SPATA31C1: variants seen among roughly 807,000 people sequenced by gnomAD.
SPATA31C1 encodes the protein SPATA31 subfamily C member 1.
At chr9:87,920,379 G>A in exon 5 of SPATA31C1, 1 of 1,613,976 alleles carries the variant, frequency 6.2e-7, no homozygotes, top group Non-Finnish European at 8.5e-7. Context: ...GGAAGATGCT[G>A]CTCCCATTGT....
intron 1 of SPATA31C1, among the ~76,000 whole-genome samples, chr9:87,915,552 C>T (rs1449778908): frequency 6.9e-6 from 1 of 145,370 alleles, no homozygotes; most frequent in East Asian, 2.1e-4. Context: ...CCACCTGCCT[C>T]GGCCTCCCAA....
intron 1 of SPATA31C1, among the ~76,000 whole-genome samples, chr9:87,917,089 T>C (rs1274688710): frequency 7.3e-6 from 1 of 137,218 alleles, no homozygotes; most frequent in Non-Finnish European, 1.6e-5. Flanking sequence ...AAAATCTTAA[T>C]TGTATGTGGG....
exon 5 of SPATA31C1, chr9:87,921,344 G>C: frequency 6.2e-7 from 1 of 1,611,956 alleles, no homozygotes; most frequent in Non-Finnish European, 8.5e-7. Flanking sequence ...TGCAGCTTCA[G>C]GATGAATTGC....
At position 87,916,890 on chromosome 9, in the gene SPATA31C1, G is replaced by C. The variant is rs1382113729; in HGVS notation, n.190-957G>C. On this transcript the variant is annotated intron_variant and non_coding_transcript_variant, in intron 1 of 4. Coordinates refer to ENST00000420021, the Ensembl canonical transcript of SPATA31C1. ...CACATGCCTGTAGTCCCAGCTACTC[G>C]GGAGGCTGAGGCAGGAGAATGGCAT... Among the ~76,000 whole-genome samples, 4 of 66,504 alleles carry C rather than the reference G, an allele frequency of 6.0e-5. 1 individual carries two copies. The highest frequency in any genetic ancestry group is 1.7e-3 in the South Asian group (2 of 1,156). The allele number at this position is 66,504 out of a possible 152,430, so 43.6% of individuals were successfully genotyped here. A position where few individuals can be genotyped will look rare whatever the true frequency, so the allele number is the denominator to read the frequency against.
At chr9:87,922,932 C>G (rs757661603) in exon 5 of SPATA31C1, 12 of 1,601,406 alleles carry the variant, frequency 7.5e-6, no homozygotes, top group African/African-American at 1.4e-5. Context: ...AAAGAAACAG[C>G]CTCCTTCAAT....
chr9:87,922,625 C>T (rs773747094), exon 5 of SPATA31C1: 1 of 1,608,880 alleles, frequency 6.2e-7, no homozygotes, highest in East Asian at 2.2e-5. Context: ...CTCAAGTGCC[C>T]CAGGGCCATC....
chr9:87,920,101 T>G, intron 4 of SPATA31C1, 125 bp downstream of exon 3: 1 of 1,606,198 alleles, frequency 6.2e-7, no homozygotes, highest in South Asian at 1.1e-5. Flanking sequence ...AGTAAAGCCC[T>G]GGGGCGAGGG....
rs558006372 is a variant in SPATA31C1, at chr9:87,921,314, C to T, written n.1704C>T. On this transcript the variant is annotated non_coding_transcript_exon_variant, in exon 5 of 5. Coordinates refer to ENST00000420021, the Ensembl canonical transcript of SPATA31C1. ...AATACATGGGGCAACGTGGAAGGAT[C>T]CAAGAGTCTCTGGATCTGATGCAGC... The T allele has an allele frequency of 2.1e-5, 34 of 1,611,986 alleles. No homozygotes were observed. In the South Asian group the frequency reaches 3.7e-4, roughly 18 times the overall value.
chr9:87,922,690 T>C lies in SPATA31C1; in HGVS notation n.3080T>C, dbSNP rs780737483. Reference sequence around the variant, plus strand: ...GCTTCCCAGGAGCTATGTGACCTCATGTCAGCCAGAAGGAGTAACATGGGG... The same window carrying C: ...GCTTCCCAGGAGCTATGTGACCTCACGTCAGCCAGAAGGAGTAACATGGGG... On this transcript the variant is annotated non_coding_transcript_exon_variant, in exon 5 of 5. Transcript: ENST00000420021. 3.1e-6 allele frequency: 5 copies of C among 1,607,460 alleles called. No homozygotes were observed. In the African/African-American group the frequency reaches 5.4e-5, roughly 17 times the overall value.
exon 5 of SPATA31C1, chr9:87,922,836 T>C: frequency 6.2e-7 from 1 of 1,606,158 alleles, no homozygotes; most frequent in Admixed American, 1.7e-5. Flanking sequence ...TGAAGAAATG[T>C]TTCAAGGATT....
exon 5 of SPATA31C1, chr9:87,920,664 G>C (rs1395844734): frequency 6.2e-7 from 1 of 1,613,762 alleles, no homozygotes; most frequent in African/African-American, 1.3e-5. Flanking sequence ...ATCTCACTGT[G>C]ACTCAGTGGC....
chr9:87,919,464 A>G, intron 3 of SPATA31C1, 116 bp downstream of exon 2: 1 of 1,455,858 alleles, frequency 6.9e-7, no homozygotes, highest in East Asian at 2.6e-5. Context: ...GAAGGAAATC[A>G]GAACCCTGGG....
In SPATA31C1 at chr9:87,920,309, G is replaced by A. The variant is rs377054909; in HGVS notation, n.699G>A. On this transcript the variant is annotated non_coding_transcript_exon_variant, in exon 5 of 5. Transcript: ENST00000420021. ...TTGGTCAGCTCTCTGGTCCAGACCC[G>A]CCAGGTGAGGTGGGCAAAAGAACAC... The A allele has an allele frequency of 1.8e-5, 29 of 1,613,802 alleles. No homozygotes were observed. The East Asian group carries it at 3.6e-4, about 20-fold the overall frequency.
At chr9:87,923,107 A>G in exon 5 of SPATA31C1, 1 of 1,603,374 alleles carries the variant, frequency 6.2e-7, no homozygotes, top group Non-Finnish European at 8.5e-7. Flanking sequence ...GCAGTTGGAC[A>G]GATACCGGAG....
At chr9:87,919,319 G>C (rs185560071) in exon 3 of SPATA31C1, 63 of 1,602,112 alleles carry the variant, frequency 3.9e-5, no homozygotes, top group Non-Finnish European at 4.9e-5. Context: ...GGGAGGCCCA[G>C]AGGCAGGATG....
At chr9:87,922,757 G>C in exon 5 of SPATA31C1, 1 of 1,606,548 alleles carries the variant, frequency 6.2e-7, no homozygotes. Context: ...GCTCATGCAA[G>C]AGCCAAAGCC....
At chr9:87,921,479 G>A (rs774461724) in exon 5 of SPATA31C1, 180 of 1,611,752 alleles carry the variant, frequency 1.1e-4, no homozygotes, top group Non-Finnish European at 1.3e-4. Context: ...CACATCTGGG[G>A]CAAATTCTGG....
exon 5 of SPATA31C1, chr9:87,920,690 C>A (rs370980409): frequency 2.0e-5 from 32 of 1,613,972 alleles, no homozygotes; most frequent in Non-Finnish European, 2.4e-5. Flanking sequence ...CACTGGACAC[C>A]GTCCCTCAAA....
In SPATA31C1 at chr9:87,920,593, C is replaced by T. The variant is rs1272438667; in HGVS notation, n.983C>T. On this transcript the variant is annotated non_coding_transcript_exon_variant, in exon 5 of 5. Transcript: ENST00000420021. ...CACACCCCTGATCCTCTGGCCTGCT[C>T]TCCACCTCCTCCGAAAGGCTTCACT... is the stretch of plus-strand genomic sequence containing the variant. The T allele has an allele frequency of 1.9e-6, 3 of 1,613,658 alleles. No homozygotes were observed. The African/African-American group carries it at 4.0e-5, about 22-fold the overall frequency.
Sources: gnomAD v4.1 joint callset for allele counts (sites outside exome capture counted in the v4.1 genomes callset) on GRCh38, gnomAD v4.1.1 for gene constraint, MANE v1.5 for transcripts, NCBI Gene and HGNC (gene_info 2026-07-23, HGNC 2026-07-21) for gene names.